The following ATP8A2 variants were observed in gnomAD, a reference collection of about 807,000 sequenced individuals.
ATP8A2 encodes the protein phospholipid-transporting ATPase IB.
In ATP8A2, 100 loss-of-function variants were observed where a neutral mutation model predicts 165.6. That is an observed-to-expected ratio of 0.60 (90% CI 0.51 to 0.71). The LOEUF is 0.71. Among genes scored for constraint, ATP8A2 ranks in the 30% least tolerant of loss-of-function variants. The pLI, the probability that ATP8A2 is intolerant of heterozygous loss-of-function variation, is 0.00. For missense variants in ATP8A2, 1,227 were observed against 1,479.5 expected, an observed-to-expected ratio of 0.83 and a Z score of 2.80; for synonymous variants, 543 against 548.8, an observed-to-expected ratio of 0.99 and a Z score of 0.15.
intron 33 of ATP8A2, among the ~76,000 whole-genome samples, chr13:25,903,445 A>G (rs1015259070): frequency 1.3e-5 from 2 of 151,940 alleles, no homozygotes; most frequent in South Asian, 4.2e-4. Flanking sequence ...GTCCCCTCTA[A>G]GTCTGTTCTT....
Position 25,372,143 on chromosome 13 carries a change from CCCCTGCGCCCAG to C in ATP8A2, c.-61_-50del. 8.9e-7 allele frequency: 1 copy of C among 1,121,068 alleles called. No individual in the cohort carries two copies. Among genetic ancestry groups the C allele is most frequent in the Non-Finnish European group, 1.2e-6 (1 of 866,552 alleles). The allele number at this position is 1,121,068 out of a possible 1,614,324, so 69.4% of individuals were successfully genotyped here. A position where few individuals can be genotyped will look rare whatever the true frequency, so the allele number is the denominator to read the frequency against. Reference sequence around the variant, plus strand: ...CCCACCCATGGTCCTCGGGCGGCGGCCCCTGCGCCCAGCCCTGCGCGTAGCCTCCGTCTCTCG... The same window carrying C: ...CCCACCCATGGTCCTCGGGCGGCGGCCCCTGCGCGTAGCCTCCGTCTCTCG... On this transcript the variant is annotated 5_prime_UTR_variant, in exon 1 of 37. Coordinates refer to ENST00000381655, the MANE Select transcript of ATP8A2 (RefSeq NM_016529.6). The surrounding 1 kb of genome is among the most constrained non-coding windows in gnomAD (Gnocchi z 4.8).
intron 24 of ATP8A2, among the ~76,000 whole-genome samples, chr13:25,626,777 C>G (rs78024167): frequency 0.036 from 5,491 of 152,132 alleles, 337 homozygotes; most frequent in African/African-American, 0.13. Context: ...TTAATGGACT[C>G]ACAGTCCCAT....
chr13:25,834,521 G>A (rs937844313), intron 28 of ATP8A2, among the ~76,000 whole-genome samples: 1 of 152,054 alleles, frequency 6.6e-6, no homozygotes, highest in Non-Finnish European at 1.5e-5. Context: ...GTGGGTGAAT[G>A]GCTAAAAAAA....
At position 25,616,254 on chromosome 13, in the gene ATP8A2, A is replaced by G. The variant is rs531588846; in HGVS notation, c.2211+26555A>G. On this transcript the variant is annotated intron_variant, in intron 24 of 36. Coordinates refer to ENST00000381655, the MANE Select transcript of ATP8A2 (RefSeq NM_016529.6). ...ACAATCTTCCAGTCCTTCTTCCTAG[A>G]TGCATAAATACGAATCTTTTCCTTA... 2.4e-4 allele frequency among the ~76,000 whole-genome samples: 37 copies of G among 151,656 alleles called. 1 individual carries two copies. The highest frequency in any genetic ancestry group is 1.1e-3 in the Admixed American group (17 of 15,222).
intron 33 of ATP8A2, among the ~76,000 whole-genome samples, chr13:25,922,719 A>G (rs1410594597): frequency 1.3e-5 from 2 of 152,176 alleles, no homozygotes; most frequent in Admixed American, 1.3e-4. Context: ...TAATACGTCC[A>G]CACAGGTCCA....
chr13:25,676,830 G>T (rs2042382811), intron 24 of ATP8A2, among the ~76,000 whole-genome samples: 1 of 151,992 alleles, frequency 6.6e-6, no homozygotes, highest in Non-Finnish European at 1.5e-5. Context: ...ATCTCTTATT[G>T]GTAGAGTTAT....
intron 33 of ATP8A2, among the ~76,000 whole-genome samples, chr13:25,872,624 G>A (rs1952709911): frequency 6.6e-6 from 1 of 152,174 alleles, no homozygotes; most frequent in African/African-American, 2.4e-5. Flanking sequence ...GTTTGAAATA[G>A]AGAGGGAAGG....
In ATP8A2 at chr13:25,513,064, C is replaced by T. The variant is rs1473241584; in HGVS notation, c.222-16935C>T. On this transcript the variant is annotated intron_variant, in intron 2 of 36. Coordinates refer to ENST00000381655, the MANE Select transcript of ATP8A2 (RefSeq NM_016529.6). ...GCGGCTGGCCTGGCGGGGGCTGACC[C>T]CCACCTCCCTCCCGGACGGGGTGGC... is the stretch of plus-strand genomic sequence containing the variant. 2.0e-5 allele frequency among the ~76,000 whole-genome samples: 3 copies of T among 151,214 alleles called. No homozygotes were observed. In the East Asian group the frequency reaches 6.0e-4, roughly 30 times the overall value.
chr13:25,971,427 T>C (rs747323720), intron 35 of ATP8A2, among the ~76,000 whole-genome samples: 2 of 152,106 alleles, frequency 1.3e-5, no homozygotes, highest in Non-Finnish European at 2.9e-5. Flanking sequence ...AAAGATCTTA[T>C]AGACCCCCAC....
intron 33 of ATP8A2, among the ~76,000 whole-genome samples, chr13:25,947,230 A>G (rs6491093): frequency 0.71 from 107,540 of 152,092 alleles, 38,208 homozygotes; most frequent in East Asian, 0.79. Context: ...AATGCCCAAA[A>G]GAGTGACTGA....
intron 1 of ATP8A2, among the ~76,000 whole-genome samples, chr13:25,429,277 G>A (rs2034535610): frequency 6.6e-6 from 1 of 151,258 alleles, no homozygotes; most frequent in South Asian, 2.1e-4. Flanking sequence ...GGCTGAGGCA[G>A]GAGAATTGCT....
intron 1 of ATP8A2, among the ~76,000 whole-genome samples, chr13:25,446,916 C>T (rs1041961681): frequency 1.7e-4 from 26 of 152,060 alleles, no homozygotes; most frequent in Non-Finnish European, 3.4e-4. Context: ...AGTGCAATGG[C>T]GCAACCATGG....
intron 24 of ATP8A2, among the ~76,000 whole-genome samples, chr13:25,618,266 G>GTTTATAAACTGTTTATAAAC (rs2040876114): frequency 6.6e-6 from 1 of 152,132 alleles, no homozygotes; most frequent in East Asian, 1.9e-4. Context: ...AACAGGTTAG[G>GTTTATAAACTGTTTATAAAC]AGTGCGTGTT....
chr13:25,536,552 T>C lies in ATP8A2; in HGVS notation c.508-1436T>C, dbSNP rs938675283. On this transcript the variant is annotated intron_variant, in intron 6 of 36. Coordinates refer to ENST00000381655, the MANE Select transcript of ATP8A2 (RefSeq NM_016529.6). ...CAACTTAAAGCACCAATAGGATACC[T>C]TTCAGTAAATTTGCCTTTTTCCCAA... Among the ~76,000 whole-genome samples, 29 of 152,216 alleles carry C rather than the reference T, an allele frequency of 1.9e-4. 1 individual carries two copies. The highest frequency in any genetic ancestry group is 6.3e-3 in the Middle Eastern group (2 of 316).
intron 24 of ATP8A2, among the ~76,000 whole-genome samples, chr13:25,647,569 G>A (rs1024073628): frequency 1.3e-5 from 2 of 152,122 alleles, no homozygotes; most frequent in African/African-American, 2.4e-5. Context: ...ATGTGTGTTA[G>A]TGAATGCCTC....
At chr13:25,402,206 A>G (rs1261203665) in intron 1 of ATP8A2, among the ~76,000 whole-genome samples, 1 of 152,194 alleles carries the variant, frequency 6.6e-6, no homozygotes, top group Non-Finnish European at 1.5e-5. Context: ...GCGAGATTTC[A>G]TCATGCCACT....
At chr13:25,742,367 C>T (rs1184586866) in intron 25 of ATP8A2, among the ~76,000 whole-genome samples, 1 of 151,608 alleles carries the variant, frequency 6.6e-6, no homozygotes, top group Non-Finnish European at 1.5e-5. Context: ...AGATAATATA[C>T]ATATATAAAG....
chr13:25,808,773 G>C (rs137984576), intron 27 of ATP8A2, among the ~76,000 whole-genome samples: 62 of 152,016 alleles, frequency 4.1e-4, no homozygotes, highest in African/African-American at 1.4e-3. Flanking sequence ...CCTATTTAAA[G>C]TATATTTCTA....
At chr13:25,727,333 A>G (rs906116268) in intron 25 of ATP8A2, among the ~76,000 whole-genome samples, 3 of 152,186 alleles carry the variant, frequency 2.0e-5, no homozygotes, top group Non-Finnish European at 4.4e-5. Context: ...GTTTCACAAA[A>G]CATTAGGTAC....
Sources: allele counts gnomAD v4.1 joint callset (sites outside exome capture counted in the v4.1 genomes callset), GRCh38; gene constraint gnomAD v4.1.1; non-coding constraint Gnocchi (gnomAD v3.1); transcripts MANE v1.5; gene names NCBI Gene and HGNC (gene_info 2026-07-23, HGNC 2026-07-21).